Variants in MKLN1 observed in about 807,000 individuals in gnomAD.
The protein encoded by MKLN1 is muskelin 1, also known as muskelin.
A neutral mutation model predicts 99.0 loss-of-function variants in MKLN1; 18 were observed. The observed-to-expected ratio is 0.18, with a 90% CI of 0.13 to 0.27. The LOEUF is 0.27. Among genes scored for constraint, MKLN1 ranks in the 10% least tolerant of loss-of-function variants. MKLN1 has a pLI of 1.00. For missense variants in MKLN1, 621 were observed against 875.9 expected (o/e 0.71, Z 3.67); for synonymous variants, 288 against 293.2 (o/e 0.98, Z 0.18).
At chr7:131,149,737 A>T (rs895887777) in intron 2 of MKLN1, among the ~76,000 whole-genome samples, 2 of 152,232 alleles carry the variant, frequency 1.3e-5, no homozygotes, top group Non-Finnish European at 2.9e-5. Context: ...TAGAACTCTC[A>T]GTTTTTCAAA....
chr7:131,258,291 G>A (rs1797686133), intron 3 of MKLN1, among the ~76,000 whole-genome samples: 1 of 143,962 alleles, frequency 6.9e-6, no homozygotes, highest in Admixed American at 7.2e-5. Context: ...GAAAGAGTGG[G>A]TAGAGAAAAG....
At chr7:131,212,597 A>G (rs995217972) in intron 3 of MKLN1, among the ~76,000 whole-genome samples, 2 of 152,230 alleles carry the variant, frequency 1.3e-5, no homozygotes, top group Non-Finnish European at 2.9e-5. Flanking sequence ...ACAGAAAACT[A>G]TGAAAAATAG....
At chr7:131,351,281 C>T (rs1799712632) in intron 1 of MKLN1, among the ~76,000 whole-genome samples, 1 of 151,850 alleles carries the variant, frequency 6.6e-6, no homozygotes, top group Admixed American at 6.6e-5. Context: ...GAAGAGTCTT[C>T]CCATCCTCTT....
intron 14 of MKLN1, 30 bp downstream of exon 14, chr7:131,464,438 T>G: frequency 7.7e-7 from 1 of 1,304,414 alleles, no homozygotes; most frequent in Non-Finnish European, 1.1e-6. Context: ...CTGTAAACTT[T>G]CCATGGCCTA....
At chr7:131,363,225 C>T (rs1191689092) in intron 1 of MKLN1, among the ~76,000 whole-genome samples, 1 of 151,674 alleles carries the variant, frequency 6.6e-6, no homozygotes, top group East Asian at 1.9e-4. Flanking sequence ...TTTAATTGCA[C>T]TTTTGAGATG....
intron 1 of MKLN1, among the ~76,000 whole-genome samples, chr7:131,332,970 C>G (rs1226334132): frequency 6.6e-6 from 1 of 151,794 alleles, no homozygotes; most frequent in Non-Finnish European, 1.5e-5. Flanking sequence ...GTCACCCAGA[C>G]TGGAATTTAG....
rs184214707 is a variant in MKLN1, at chr7:131,437,439, A to C, written c.961-346A>C. ...AAAGTAGATTGTCATGTAATAGAGAATTGAACTCTGCACAAATGACTAAAA... is the reference window on the plus strand; with the variant it reads ...AAAGTAGATTGTCATGTAATAGAGACTTGAACTCTGCACAAATGACTAAAA... On this transcript the variant is annotated intron_variant, in intron 9 of 17. Coordinates refer to ENST00000352689, the MANE Select transcript of MKLN1 (RefSeq NM_013255.5). 7.9e-5 allele frequency among the ~76,000 whole-genome samples: 12 copies of C among 152,356 alleles called. No homozygotes were observed. In the East Asian group the frequency reaches 2.3e-3, roughly 29 times the overall value.
intron 8 of MKLN1, among the ~76,000 whole-genome samples, chr7:131,422,660 G>A (rs1320580773): frequency 1.3e-5 from 2 of 151,876 alleles, no homozygotes. Context: ...TTGCTTCCCG[G>A]TGTCTCATAT....
At chr7:131,355,079 C>T (rs1252288008) in intron 1 of MKLN1, among the ~76,000 whole-genome samples, 1 of 152,040 alleles carries the variant, frequency 6.6e-6, no homozygotes, top group Non-Finnish European at 1.5e-5. Flanking sequence ...TGCAGTCAGC[C>T]CACTCTTTTA....
In MKLN1 at chr7:131,487,701, C is replaced by G; in HGVS notation, c.2181C>G (p.Gly727=). The part of the protein sequence containing the change: ...FFPDSMTPPK[G]NLVDLITL ...CTGACAGCATGACTCCTCCTAAAGG[C>G]AACCTGGTAGACCTCATCACACTGT... Residue 727 remains glycine, a synonymous_variant, in exon 18 of 18, where the codon GGC becomes GGG. Coordinates refer to ENST00000352689, the MANE Select transcript of MKLN1 (RefSeq NM_013255.5). The surrounding 1 kb of genome is among the most constrained non-coding windows in gnomAD (Gnocchi z 4.7). The G allele has an allele frequency of 6.2e-7, 1 of 1,613,094 alleles. No homozygotes were observed. The highest frequency in any genetic ancestry group is 1.1e-5 in the South Asian group (1 of 91,056).
chr7:131,180,784 T>G (rs969657806), intron 2 of MKLN1, among the ~76,000 whole-genome samples: 1 of 152,190 alleles, frequency 6.6e-6, no homozygotes, highest in African/African-American at 2.4e-5. Flanking sequence ...AAATTATTAT[T>G]TTAGATCCCT....
At chr7:131,418,557 TG>T (rs1399571815) in intron 8 of MKLN1, among the ~76,000 whole-genome samples, 1 of 152,078 alleles carries the variant, frequency 6.6e-6, no homozygotes, top group Non-Finnish European at 1.5e-5. Flanking sequence ...AAATTTGTCT[TG>T]GGCCACATTG....
rs112732630 is a variant in MKLN1 at position 131,426,637 on chromosome 7, T to C, written c.848-2396T>C. On this transcript the variant is annotated intron_variant, in intron 8 of 17. Transcript: ENST00000352689. The stretch of plus-strand genomic sequence containing the variant: ...AGTGTTTTATGTACTGAATTAGACA[T>C]GTAGTCAGTTATAATATCATTTTTA... Among the ~76,000 whole-genome samples the C allele has an allele frequency of 3.5e-3, 538 of 152,348 alleles. 2 individuals are homozygous for C. Among genetic ancestry groups the C allele is most frequent in the African/African-American group, 0.012 (512 of 41,584 alleles).
At chr7:131,135,555 C>A (rs1563227308) in intron 1 of MKLN1, among the ~76,000 whole-genome samples, 1 of 152,108 alleles carries the variant, frequency 6.6e-6, no homozygotes, top group East Asian at 1.9e-4. Flanking sequence ...TGGGAAGGGC[C>A]CAGCCAAAGA....
intron 3 of MKLN1, among the ~76,000 whole-genome samples, chr7:131,268,810 G>T (rs1584879606): frequency 6.6e-6 from 1 of 152,308 alleles, no homozygotes; most frequent in South Asian, 2.1e-4. Context: ...AGACAGTGCT[G>T]TTCTTGTATG....
chr7:131,372,719 AG>A (rs1229364620), intron 1 of MKLN1, among the ~76,000 whole-genome samples: 8 of 144,074 alleles, frequency 5.6e-5, no homozygotes, highest in African/African-American at 2.0e-4. Flanking sequence ...TATATCCCCT[AG>A]GTTTTTTTTT....
At chr7:131,374,939 CTT>C (rs201782235) in intron 1 of MKLN1, among the ~76,000 whole-genome samples, 22 of 136,626 alleles carry the variant, frequency 1.6e-4, no homozygotes, top group Admixed American at 3.0e-4. Context: ...ACCCTGAAGT[CTT>C]TTTTTTTTTT....
chr7:131,311,386 A>G (rs1798561105), intron 3 of MKLN1, among the ~76,000 whole-genome samples: 1 of 152,210 alleles, frequency 6.6e-6, no homozygotes, highest in South Asian at 2.1e-4. Flanking sequence ...ACAGTTTAAC[A>G]TAATAATCAT....
chr7:131,423,952 A>T (rs1392115277), intron 8 of MKLN1, among the ~76,000 whole-genome samples: 1 of 152,256 alleles, frequency 6.6e-6, no homozygotes, highest in African/African-American at 2.4e-5. Context: ...GTAAGAATAC[A>T]GTTCTATTTA....
Sources: allele counts gnomAD v4.1 joint callset (sites outside exome capture counted in the v4.1 genomes callset), GRCh38; gene constraint gnomAD v4.1.1; non-coding constraint Gnocchi (gnomAD v3.1); transcripts MANE v1.5; gene names NCBI Gene and HGNC (gene_info 2026-07-23, HGNC 2026-07-21).